Variants in NIM1K observed in about 807,000 individuals in gnomAD.
The protein encoded by NIM1K is NIM1 serine/threonine protein kinase.
NIM1K carries 35 observed loss-of-function variants against 37.1 expected under a neutral mutation model. That is an observed-to-expected ratio of 0.94 (90% CI 0.72 to 1.25). The LOEUF is 1.25. Ranked by LOEUF, NIM1K falls within the 50% of genes most tolerant of loss-of-function variation. The probability of loss-of-function intolerance (pLI) is 0.00; values close to 1 mark genes in which losing one functional copy is unlikely to be tolerated. For missense variants in NIM1K, 564 were observed against 548.0 expected, an observed-to-expected ratio of 1.03 and a Z score of -0.29; for synonymous variants, 234 against 206.6, an observed-to-expected ratio of 1.13 and a Z score of -1.14.
intron 2 of NIM1K, among the ~76,000 whole-genome samples, chr5:43,256,181 A>G (rs779833360): frequency 6.6e-6 from 1 of 152,158 alleles, no homozygotes; most frequent in Non-Finnish European, 1.5e-5. Flanking sequence ...CTTTAACAGT[A>G]TCACTCTGGC....
chr5:43,228,959 A>G (rs1195033328), intron 1 of NIM1K, among the ~76,000 whole-genome samples: 1 of 152,256 alleles, frequency 6.6e-6, no homozygotes, highest in Non-Finnish European at 1.5e-5. Flanking sequence ...TAACAGTATT[A>G]CATGAAAAAT....
chr5:43,204,107 C>T (rs567628949), intron 1 of NIM1K, among the ~76,000 whole-genome samples: 13 of 70,252 alleles, frequency 1.9e-4, no homozygotes, highest in African/African-American at 2.8e-4. Context: ...TTTTTTGAGA[C>T]GGAGTCTCAC....
intron 2 of NIM1K, among the ~76,000 whole-genome samples, chr5:43,267,631 G>A (rs1753185247): frequency 6.6e-6 from 1 of 152,134 alleles, no homozygotes. Context: ...CTGTATCTCA[G>A]AAGTTTTGAC....
chr5:43,257,689 TG>T (rs1186340207), intron 2 of NIM1K, among the ~76,000 whole-genome samples: 1 of 151,930 alleles, frequency 6.6e-6, no homozygotes, highest in African/African-American at 2.4e-5. Context: ...ATAAAGAGAA[TG>T]AGAGAAAGAG....
intron 2 of NIM1K, among the ~76,000 whole-genome samples, chr5:43,251,610 G>A (rs1401402370): frequency 6.6e-6 from 1 of 152,144 alleles, no homozygotes; most frequent in Non-Finnish European, 1.5e-5. Context: ...GTAGGGCCGG[G>A]TCTTAAGATG....
chr5:43,217,459 CA>C (rs35739990), intron 1 of NIM1K, among the ~76,000 whole-genome samples: 48,600 of 93,822 alleles, frequency 0.52, 9,196 homozygotes, highest in African/African-American at 0.57. Context: ...TGTGGACATG[CA>C]AAAAAAAAAA....
At position 43,231,656 on chromosome 5, in the gene NIM1K, G is replaced by A. The variant is rs568453322; in HGVS notation, c.-694-13426G>A. Among the ~76,000 whole-genome samples the A allele has an allele frequency of 2.0e-5, 3 of 152,186 alleles. No individual in the cohort carries two copies. In the East Asian group the frequency reaches 5.8e-4, roughly 29 times the overall value. On this transcript the variant is annotated intron_variant, in intron 1 of 3. Transcript: ENST00000326035. ...CCCATCACAGAAATGGACAGTCTGG[G>A]TCTGCAAAAGCATTCATGTTTTAAA...
intron 1 of NIM1K, among the ~76,000 whole-genome samples, chr5:43,225,334 G>A (rs6888146): frequency 0.98 from 145,464 of 148,752 alleles, 71,189 homozygotes; most frequent in Middle Eastern, 1. Flanking sequence ...GTCTTATTTT[G>A]ATACCTCTCT....
At chr5:43,223,967 T>C (rs560556702) in intron 1 of NIM1K, among the ~76,000 whole-genome samples, 978 of 37,946 alleles carry the variant, frequency 0.026, 9 homozygotes, top group African/African-American at 0.071. Context: ...AGCAGCATCA[T>C]GAAAGATTCT....
chr5:43,233,214 G>T, intron 1 of NIM1K: 1 of 952,198 alleles, frequency 1.1e-6, no homozygotes, highest in Non-Finnish European at 1.6e-6. Flanking sequence ...GTGGAGACAA[G>T]GAGAGATTGT....
intron 1 of NIM1K, among the ~76,000 whole-genome samples, chr5:43,199,622 T>C (rs1579952107): frequency 6.6e-6 from 1 of 152,196 alleles, no homozygotes; most frequent in East Asian, 1.9e-4. Flanking sequence ...AGGAAAGCAC[T>C]AATTATCAGA....
chr5:43,276,259 C>A (rs755775375), intron 2 of NIM1K, among the ~76,000 whole-genome samples: 1 of 152,164 alleles, frequency 6.6e-6, no homozygotes, highest in South Asian at 2.1e-4. Context: ...GTACAGGAAG[C>A]GTGGTGGCAT....
intron 2 of NIM1K, among the ~76,000 whole-genome samples, chr5:43,267,706 C>A (rs774908879): frequency 6.2e-4 from 94 of 152,212 alleles, no homozygotes; most frequent in Non-Finnish European, 8.1e-4. Context: ...TCATTGTTAA[C>A]CCAAAATTTA....
intron 1 of NIM1K, among the ~76,000 whole-genome samples, chr5:43,229,147 C>T (rs1208956111): frequency 6.6e-6 from 1 of 151,996 alleles, no homozygotes; most frequent in Non-Finnish European, 1.5e-5. Flanking sequence ...TTTGGGAGGC[C>T]AAGGCAGGTG....
At chr5:43,204,610 A>C (rs57412930) in intron 1 of NIM1K, among the ~76,000 whole-genome samples, 96,424 of 151,198 alleles carry the variant, frequency 0.64, 31,181 homozygotes, top group Non-Finnish European at 0.66. Flanking sequence ...GAGGCGGAGG[A>C]ACAAGAATCA....
intron 1 of NIM1K, among the ~76,000 whole-genome samples, chr5:43,238,039 A>ATTTTTTTTTTTTTT (rs71608701): frequency 8.3e-6 from 1 of 120,618 alleles, no homozygotes; most frequent in Non-Finnish European, 1.7e-5. Flanking sequence ...CTTCAATTTA[A>ATTTTTTTTTTTTTT]TTTTTTTTTT....
rs541334822 is a variant in NIM1K at position 43,210,553 on chromosome 5, CAG to C, written c.-695+18146_-695+18147del. Among the ~76,000 whole-genome samples the C allele has an allele frequency of 4.6e-3, 701 of 152,210 alleles. 6 individuals carry two copies. The highest frequency in any genetic ancestry group is 7.1e-3 in the Admixed American group (108 of 15,276). ...TGGGGCACCACGGACTGGAGGGAGT[CAG>C]AGACTTCACAGAGGGACAGAGACTT... On this transcript the variant is annotated intron_variant, in intron 1 of 3. Transcript: ENST00000326035.
chr5:43,200,567 T>A (rs1323880070), intron 1 of NIM1K, among the ~76,000 whole-genome samples: 1 of 152,126 alleles, frequency 6.6e-6, no homozygotes, highest in East Asian at 1.9e-4. Flanking sequence ...CCCAAAGTGA[T>A]GAGATTACAG....
At chr5:43,259,471 A>G (rs888230648) in intron 2 of NIM1K, among the ~76,000 whole-genome samples, 2 of 152,156 alleles carry the variant, frequency 1.3e-5, no homozygotes, top group African/African-American at 4.8e-5. Flanking sequence ...AATAATGACC[A>G]TTCTGGCTGG....
Sources: gnomAD v4.1 joint callset for allele counts (sites outside exome capture counted in the v4.1 genomes callset) on GRCh38, gnomAD v4.1.1 for gene constraint, MANE v1.5 for transcripts, NCBI Gene and HGNC (gene_info 2026-07-23, HGNC 2026-07-21) for gene names.